The following FGF14 variants were observed in gnomAD, a reference collection of about 807,000 sequenced individuals.
FGF14 encodes the protein fibroblast growth factor homologous factor 4.
Under a neutral mutation model 25.5 loss-of-function variants are expected in FGF14, and 5 were observed. The ratio of observed to expected loss-of-function variants is 0.20; its 90% confidence interval spans 0.10 to 0.41. The LOEUF (loss-of-function observed/expected upper bound fraction) is 0.41, where lower values mean the gene tolerates loss of function less well. FGF14 is among the 10% of genes least tolerant of loss of function. The pLI is 1.00. For synonymous variants in FGF14, 138 were observed against 118.3 expected (o/e 1.17, Z -1.08); for missense variants, 222 against 320.1 (o/e 0.69, Z 2.34).
At chr13:101,893,105 G>C (rs1378850359) in intron 1 of FGF14, among the ~76,000 whole-genome samples, 52 of 152,274 alleles carry the variant, frequency 3.4e-4, no homozygotes, top group Non-Finnish European at 2.5e-4. Context: ...CAGTGACAAG[G>C]ACTTAATTGT....
At chr13:102,261,540 T>C (rs148546111) in intron 1 of FGF14, among the ~76,000 whole-genome samples, 233 of 152,312 alleles carry the variant, frequency 1.5e-3, no homozygotes, top group Admixed American at 4.1e-3. Context: ...TAACCCGTTA[T>C]ACTACCCTCT....
chr13:101,889,189 A>G (rs1594618744), intron 1 of FGF14, among the ~76,000 whole-genome samples: 1 of 152,144 alleles, frequency 6.6e-6, no homozygotes, highest in African/African-American at 2.4e-5. Flanking sequence ...CAAGTCTATG[A>G]TACTTTGTTA....
intron 1 of FGF14, among the ~76,000 whole-genome samples, chr13:102,249,247 C>CA (rs1478144628): frequency 6.6e-6 from 1 of 152,034 alleles, no homozygotes; most frequent in African/African-American, 2.4e-5. Context: ...TGAGAACAAG[C>CA]AAAAGGAGAC....
At chr13:102,039,085 G>C (rs60838794) in intron 1 of FGF14, among the ~76,000 whole-genome samples, 5,013 of 152,172 alleles carry the variant, frequency 0.033, 264 homozygotes, top group African/African-American at 0.11. Flanking sequence ...GACACAGCCA[G>C]GTCCCTTAGT....
At chr13:101,754,505 G>A (rs897087521) in intron 3 of FGF14, among the ~76,000 whole-genome samples, 2 of 152,108 alleles carry the variant, frequency 1.3e-5, no homozygotes, top group Non-Finnish European at 2.9e-5. Context: ...GAAGCAGGTG[G>A]ATCGCCTGAG....
chr13:102,055,032 G>A (rs2042370534), intron 1 of FGF14, among the ~76,000 whole-genome samples: 1 of 152,094 alleles, frequency 6.6e-6, no homozygotes, highest in Admixed American at 6.6e-5. Flanking sequence ...CAGTCCCATG[G>A]AGAAATACAG....
intron 1 of FGF14, among the ~76,000 whole-genome samples, chr13:101,982,851 T>G (rs2038349045): frequency 6.6e-6 from 1 of 152,226 alleles, no homozygotes; most frequent in African/African-American, 2.4e-5. Context: ...TTTATCCAAG[T>G]TAGGCTTCCG....
At chr13:101,755,378 C>G (rs2037577233) in intron 3 of FGF14, among the ~76,000 whole-genome samples, 1 of 144,054 alleles carries the variant, frequency 6.9e-6, no homozygotes. Flanking sequence ...GTGTTTCATG[C>G]CTGTAATCCC....
At chr13:101,822,416 G>A (rs1162950671) in intron 3 of FGF14, among the ~76,000 whole-genome samples, 1 of 151,544 alleles carries the variant, frequency 6.6e-6, no homozygotes, top group East Asian at 1.9e-4. Flanking sequence ...AGATCTGTTA[G>A]TGTGAGTACT....
intron 3 of FGF14, among the ~76,000 whole-genome samples, chr13:101,847,264 C>T (rs1490679724): frequency 1.3e-5 from 2 of 152,042 alleles, no homozygotes; most frequent in African/African-American, 2.4e-5. Context: ...CCTGGGGTCA[C>T]TGTCAGTGAT....
At chr13:102,322,375 C>T (rs1442666025) in intron 1 of FGF14, among the ~76,000 whole-genome samples, 1 of 152,140 alleles carries the variant, frequency 6.6e-6, no homozygotes, top group Non-Finnish European at 1.5e-5. Context: ...GTGGGAAAGA[C>T]CTATTAGGCC....
At chr13:102,128,801 G>A (rs1335104501) in intron 1 of FGF14, among the ~76,000 whole-genome samples, 1 of 152,146 alleles carries the variant, frequency 6.6e-6, no homozygotes, top group Non-Finnish European at 1.5e-5. Flanking sequence ...TTAAAAATTA[G>A]GCTGGGCAAG....
At chr13:102,182,285 G>A (rs775748288) in intron 1 of FGF14, among the ~76,000 whole-genome samples, 1 of 152,114 alleles carries the variant, frequency 6.6e-6, no homozygotes, top group Non-Finnish European at 1.5e-5. Flanking sequence ...AAGAATGCAG[G>A]TAACCTCTGA....
At chr13:102,165,389 A>G (rs1158105413) in intron 1 of FGF14, among the ~76,000 whole-genome samples, 2 of 152,090 alleles carry the variant, frequency 1.3e-5, no homozygotes, top group African/African-American at 4.8e-5. Flanking sequence ...AGCACTATTC[A>G]CAATAGCAAA....
At chr13:101,991,342 A>G (rs148971964) in intron 1 of FGF14, among the ~76,000 whole-genome samples, 84 of 152,268 alleles carry the variant, frequency 5.5e-4, no homozygotes, top group African/African-American at 1.8e-3. Flanking sequence ...TAAAACTTCT[A>G]TAATTGAAAT....
At chr13:101,941,050 C>T (rs2035417351) in intron 1 of FGF14, among the ~76,000 whole-genome samples, 1 of 152,102 alleles carries the variant, frequency 6.6e-6, no homozygotes, top group Non-Finnish European at 1.5e-5. Flanking sequence ...TGAAGGGTCA[C>T]AGAAGAATAA....
chr13:102,371,949 C>T (rs2057898148), intron 1 of FGF14, among the ~76,000 whole-genome samples: 1 of 152,000 alleles, frequency 6.6e-6, no homozygotes, highest in Non-Finnish European at 1.5e-5. Flanking sequence ...CTTTAATATG[C>T]CTTAAGTATG....
Position 102,096,639 on chromosome 13 carries a change from GGTACTTGAATTTTTCAA to G in FGF14, c.209-221360_209-221344del, listed in dbSNP as rs959485286. Reference sequence around the variant, plus strand: ...TTAGGATTCCCAGAGACTCAGAGAGGGTACTTGAATTTTTCAAGCACGTGCAGTTTCCAACTGTCAGA... The same window carrying G: ...TTAGGATTCCCAGAGACTCAGAGAGGGCACGTGCAGTTTCCAACTGTCAGA... On this transcript the variant is annotated intron_variant, in intron 1 of 4. Coordinates refer to the FGF14 transcript ENST00000376131. Among the ~76,000 whole-genome samples, 41 of 152,212 alleles carry G rather than the reference GGTACTTGAATTTTTCAA, an allele frequency of 2.7e-4. 1 individual carries two copies. The highest frequency in any genetic ancestry group is 9.9e-4 in the African/African-American group (41 of 41,538).
rs2035077127 is a variant in FGF14, at chr13:101,722,758, A to C, written c.*73T>G. 1 of 1,598,170 alleles carries C rather than the reference A, an allele frequency of 6.3e-7. No individual in the cohort carries two copies. The highest frequency in any genetic ancestry group is 1.7e-5 in the Admixed American group (1 of 59,722). ...TCCTGCTGCTCTTCAGCCACGGAGC[A>C]GGAATGTCTGGTGAGGATAAATCAC... On this transcript the variant is annotated 3_prime_UTR_variant, in exon 5 of 5. Coordinates refer to ENST00000376143, the MANE Select transcript of FGF14 (RefSeq NM_004115.4).
Sources: gnomAD v4.1 joint callset for allele counts (sites outside exome capture counted in the v4.1 genomes callset) on GRCh38, gnomAD v4.1.1 for gene constraint, MANE v1.5 for transcripts, NCBI Gene and HGNC (gene_info 2026-07-23, HGNC 2026-07-21) for gene names.